PDE4D: variants seen among roughly 807,000 people sequenced by gnomAD.
PDE4D encodes 3',5'-cyclic-AMP phosphodiesterase 4D.
A neutral mutation model predicts 87.4 loss-of-function variants in PDE4D; 24 were observed. The ratio of observed to expected loss-of-function variants is 0.27; its 90% CI spans 0.20 to 0.39. PDE4D has a LOEUF of 0.39. Ranked by LOEUF, PDE4D falls within the 10% of genes least tolerant of loss-of-function variation. The pLI, the probability that PDE4D is intolerant of heterozygous loss-of-function variation, is 1.00. For synonymous variants in PDE4D, 384 were observed against 383.2 expected (o/e 1.00, Z -0.02); for missense variants, 714 against 1,041.0 (o/e 0.69, Z 4.32).
intron 1 of PDE4D, among the ~76,000 whole-genome samples, chr5:59,793,968 G>A (rs1766127833): frequency 6.6e-6 from 1 of 152,094 alleles, no homozygotes; most frequent in African/African-American, 2.4e-5. Context: ...GTGGCGTGCA[G>A]GACGTTACCA....
intron 5 of PDE4D, among the ~76,000 whole-genome samples, chr5:59,049,826 T>C (rs2153402744): frequency 6.6e-6 from 1 of 152,354 alleles, no homozygotes; most frequent in South Asian, 2.1e-4. Context: ...TTATTCGGAA[T>C]CGCTATCTCT....
At chr5:59,573,865 G>C (rs1242888607) in intron 1 of PDE4D, among the ~76,000 whole-genome samples, 1 of 150,438 alleles carries the variant, frequency 6.6e-6, no homozygotes, top group South Asian at 2.1e-4. Context: ...GGGTGTGGCA[G>C]CTTGCATGCG....
intron 5 of PDE4D, among the ~76,000 whole-genome samples, chr5:59,158,298 C>T (rs1780538218): frequency 6.6e-6 from 1 of 152,118 alleles, no homozygotes; most frequent in Non-Finnish European, 1.5e-5. Flanking sequence ...AGACAAATAC[C>T]CACTTTAGCT....
At chr5:60,065,646 T>G (rs1338967634) in intron 2 of PDE4D, among the ~76,000 whole-genome samples, 2 of 152,096 alleles carry the variant, frequency 1.3e-5, no homozygotes, top group Non-Finnish European at 2.9e-5. Context: ...GTCCATGTGT[T>G]CTCATTGTTC....
rs144706833 is a variant in PDE4D at position 59,280,993 on chromosome 5, T to C, written c.456-65025A>G. Among the ~76,000 whole-genome samples the C allele has an allele frequency of 2.6e-3, 391 of 152,258 alleles. 1 individual carries two copies. The highest frequency in any genetic ancestry group is 6.4e-3 in the South Asian group (31 of 4,822). On this transcript the variant is annotated intron_variant, in intron 1 of 14. Transcript: ENST00000340635. ...ATTCATTTAATTGTCCTAAATAAAG[T>C]TAAACATACAGCCATCCTTCTCCTA...
At chr5:59,686,794 T>G (rs2150384161) in intron 1 of PDE4D, among the ~76,000 whole-genome samples, 1 of 152,302 alleles carries the variant, frequency 6.6e-6, no homozygotes, top group South Asian at 2.1e-4. Context: ...AGGTGAGAAC[T>G]AAATGCTCTT....
chr5:60,518,202 C>T (rs561973056), intron 1 of PDE4D, among the ~76,000 whole-genome samples: 12 of 152,370 alleles, frequency 7.9e-5, no homozygotes, highest in African/African-American at 2.4e-4. Flanking sequence ...TTCACATACC[C>T]CTTGCCTTTT....
rs759564207 is a variant in PDE4D at position 59,185,269 on chromosome 5, C to G, written c.685-7G>C. 1 of 1,599,424 alleles carries G rather than the reference C, an allele frequency of 6.3e-7. No individual in the cohort carries two copies. Among genetic ancestry groups the G allele is most frequent in the Middle Eastern group, 1.7e-4 (1 of 5,978 alleles). ...TTCGCAGACTGGCCAAGACCTACAA[C>G]AAGAAAGGATTCTTGAAACTTCTTG... is the stretch of plus-strand genomic sequence containing the variant. On this transcript the variant is annotated splice_polypyrimidine_tract_variant and splice_region_variant and intron_variant, in intron 3 of 14. Transcript: ENST00000340635.
At chr5:59,867,827 C>A (rs1421046418) in intron 1 of PDE4D, among the ~76,000 whole-genome samples, 1 of 152,054 alleles carries the variant, frequency 6.6e-6, no homozygotes, top group Non-Finnish European at 1.5e-5. Flanking sequence ...AAGCAGGAAG[C>A]AGAATATGAT....
At chr5:60,376,912 C>G (rs934683704) in intron 1 of PDE4D, among the ~76,000 whole-genome samples, 2 of 152,184 alleles carry the variant, frequency 1.3e-5, no homozygotes, top group African/African-American at 2.4e-5. Flanking sequence ...AAATTGGAAC[C>G]CTTGATAGAG....
intron 2 of PDE4D, among the ~76,000 whole-genome samples, chr5:59,991,339 G>A (rs993473456): frequency 2.0e-5 from 3 of 152,116 alleles, no homozygotes; most frequent in African/African-American, 7.2e-5. Context: ...AAGACCAGCA[G>A]ATCTGGAATA....
chr5:60,310,846 T>C (rs1424544499), intron 1 of PDE4D, among the ~76,000 whole-genome samples: 2 of 152,362 alleles, frequency 1.3e-5, no homozygotes, highest in Non-Finnish European at 2.9e-5. Context: ...TGTACAAGTA[T>C]GTTCCCTTTC....
intron 1 of PDE4D, among the ~76,000 whole-genome samples, chr5:59,334,912 A>G (rs1380776772): frequency 6.6e-6 from 1 of 152,108 alleles, no homozygotes; most frequent in Non-Finnish European, 1.5e-5. Flanking sequence ...TTACTGGTAC[A>G]TATGTTTTTC....
chr5:59,824,131 C>T (rs1770037084), intron 1 of PDE4D, among the ~76,000 whole-genome samples: 1 of 151,952 alleles, frequency 6.6e-6, no homozygotes, highest in Non-Finnish European at 1.5e-5. Context: ...CTAGTAGCCA[C>T]AAGTAAAAGA....
intron 2 of PDE4D, among the ~76,000 whole-genome samples, chr5:60,154,787 CA>C (rs1384848281): frequency 6.6e-6 from 1 of 152,162 alleles, no homozygotes; most frequent in East Asian, 1.9e-4. Context: ...AAAACCAAAA[CA>C]ATACTTTTGC....
intron 5 of PDE4D, among the ~76,000 whole-genome samples, chr5:59,121,655 T>G (rs916859556): frequency 6.6e-6 from 1 of 152,268 alleles, no homozygotes; most frequent in South Asian, 2.1e-4. Flanking sequence ...AAAACCAGCA[T>G]GGAGATTTCT....
At chr5:59,002,709 C>T (rs1750786432) in intron 6 of PDE4D, among the ~76,000 whole-genome samples, 1 of 152,194 alleles carries the variant, frequency 6.6e-6, no homozygotes, top group Admixed American at 6.5e-5. Flanking sequence ...GATAGCTACC[C>T]ACTGGGCTGC....
intron 1 of PDE4D, among the ~76,000 whole-genome samples, chr5:59,287,805 A>G (rs1443713821): frequency 6.6e-6 from 1 of 152,160 alleles, no homozygotes; most frequent in Non-Finnish European, 1.5e-5. Context: ...AAGAGAAAAA[A>G]GAGTCTCTGC....
intron 2 of PDE4D, among the ~76,000 whole-genome samples, chr5:60,070,053 AT>A (rs1291701169): frequency 6.6e-6 from 1 of 152,118 alleles, no homozygotes; most frequent in Non-Finnish European, 1.5e-5. Context: ...CACTAAATTC[AT>A]TTGTTAGTTC....
Sources: allele counts gnomAD v4.1 joint callset (sites outside exome capture counted in the v4.1 genomes callset), GRCh38; gene constraint gnomAD v4.1.1; transcripts MANE v1.5; gene names NCBI Gene and HGNC (gene_info 2026-07-23, HGNC 2026-07-21).